ANKRD2: variants seen among roughly 807,000 people sequenced by gnomAD.
ANKRD2 encodes the protein ankyrin repeat domain-containing protein 2.
Under a neutral mutation model 37.3 loss-of-function variants are expected in ANKRD2, and 35 were observed. That is an observed-to-expected ratio of 0.94 (90% CI 0.72 to 1.24). ANKRD2 has a LOEUF of 1.24. Among genes scored for constraint, ANKRD2 ranks in the 50% most tolerant of loss-of-function variants. The pLI, the probability that ANKRD2 is intolerant of heterozygous loss-of-function variation, is 0.00. For synonymous variants in ANKRD2, 159 were observed against 186.5 expected, an observed-to-expected ratio of 0.85 and a Z score of 1.20; for missense variants, 410 against 445.6, an observed-to-expected ratio of 0.92 and a Z score of 0.72.
Position 97,582,254 on chromosome 10 carries a change from T to C in ANKRD2, c.655-61T>C. The C allele has an allele frequency of 2.1e-6, 3 of 1,448,902 alleles. No individual in the cohort carries two copies. In the East Asian group the frequency reaches 7.4e-5, roughly 36 times the overall value. The allele number at this position is 1,448,902 out of a possible 1,614,324, so 89.8% of individuals were successfully genotyped here. ...AGCTGGAGTTAGGACAGCCCCCGCC[T>C]TCCCAGGGGTACCACAGTTCAGGCC... On this transcript the variant is annotated intron_variant, in intron 6 of 8. Transcript: ENST00000370655.
chr10:97,580,771 G>A, intron 4 of ANKRD2, 84 bp from the exon 5 acceptor site: 2 of 987,860 alleles, frequency 2.0e-6, no homozygotes, highest in South Asian at 2.9e-5. Context: ...CAAGCTGGGG[G>A]GAAGGCCTGG....
In ANKRD2 at chr10:97,578,580, G is replaced by C; in HGVS notation, c.431G>C (p.Gly144Ala). ...GTCATTGAGAAGTTCCTGGCTGACG[G>C]GGGGTCAGCCGACACGTGCGACCAG... ...MKVIEKFLAD[G>A]GSADTCDQFR... is the part of the protein sequence containing the mutation. The change falls in exon 4 of 9, where the codon GGG becomes GCG. Residue 144 changes from glycine (G) to alanine (A), a missense_variant. Transcript: ENST00000370655. The C allele has an allele frequency of 1.3e-6, 2 of 1,561,442 alleles. No homozygotes were observed. The highest frequency in any genetic ancestry group is 1.7e-6 in the Non-Finnish European group (2 of 1,152,458).
Position 97,581,389 on chromosome 10 carries a change from G to C in ANKRD2, c.629G>C (p.Gly210Ala). ...LEVVKLLQSH[G>A]ADTNVRDKLL... ...GTGGTGAAACTTCTGCAAAGCCATG[G>C]AGCAGACACCAATGTGAGGGATAAG... Residue 210 changes from glycine (G) to alanine (A), a missense_variant, in exon 6 of 9, where the codon GGA becomes GCA. Transcript: ENST00000370655. 6.2e-7 allele frequency: 1 copy of C among 1,614,190 alleles called. No individual in the cohort carries two copies. Among genetic ancestry groups the C allele is most frequent in the South Asian group, 1.1e-5 (1 of 91,076 alleles).
At chr10:97,572,535 G>A, upstream of ANKRD2, 1 of 782,732 alleles carries the variant, frequency 1.3e-6, no homozygotes, top group Non-Finnish European at 2.0e-6. Flanking sequence ...GGCTGGACGG[G>A]CTCCTTCCTG....
At chr10:97,578,654 C>G in intron 4 of ANKRD2, 49 bp downstream of exon 4, 1 of 1,410,990 alleles carries the variant, frequency 7.1e-7, no homozygotes, top group Non-Finnish European at 9.7e-7. Context: ...GTTGCCACCC[C>G]CACTCCGTTC....
chr10:97,580,850 G>C lies in ANKRD2; in HGVS notation c.457-5G>C. The C allele has an allele frequency of 1.2e-6, 2 of 1,608,404 alleles. No individual in the cohort carries two copies. Among genetic ancestry groups the C allele is most frequent in the Non-Finnish European group, 1.7e-6 (2 of 1,177,522 alleles). Reference sequence around the variant, plus strand: ...GCCAGGCCCTGACAGCCTCTCTGGGGACAGTTCCGTCGGACAGCACTGCAC... The same window carrying C: ...GCCAGGCCCTGACAGCCTCTCTGGGCACAGTTCCGTCGGACAGCACTGCAC... On this transcript the variant is annotated splice_region_variant and splice_polypyrimidine_tract_variant and intron_variant, in intron 4 of 8. Transcript: ENST00000370655.
intron 1 of ANKRD2, among the ~76,000 whole-genome samples, chr10:97,574,092 C>T (rs1203280860): frequency 6.6e-6 from 1 of 152,026 alleles, no homozygotes; most frequent in Non-Finnish European, 1.5e-5. Context: ...TCGAGACTCA[C>T]CTGGCCAACA....
At chr10:97,572,971 A>AG (rs1221984371) in intron 1 of ANKRD2, 96 bp downstream of exon 1, 3 of 1,457,040 alleles carry the variant, frequency 2.1e-6, no homozygotes, top group African/African-American at 1.4e-5. Context: ...TGTGGTGGGG[A>AG]GGGGGGCAGA....
upstream of ANKRD2, chr10:97,572,674 G>T: frequency 1.3e-6 from 2 of 1,579,404 alleles, no homozygotes; most frequent in East Asian, 2.3e-5. Context: ...GTGACAGGTG[G>T]GGGAGGCAGG....
chr10:97,582,781 G>A lies in ANKRD2; in HGVS notation c.852+79G>A. ...AGGTGCTGTCCTGGTCCCTGGAGCA[G>A]CCCCCGCCTAGGGACATGTATCATT... On this transcript the variant is annotated intron_variant, in intron 8 of 8. Transcript: ENST00000370655. 1.5e-6 allele frequency: 2 copies of A among 1,335,140 alleles called. 1 individual carries two copies. The highest frequency in any genetic ancestry group is 2.1e-6 in the Non-Finnish European group (2 of 932,410). 82.7% of individuals were successfully genotyped at this position (1,335,140 alleles called of 1,614,324 possible).
Position 97,578,234 on chromosome 10 carries a change from G to A in ANKRD2, c.190-6G>A. On this transcript the variant is annotated splice_region_variant and splice_polypyrimidine_tract_variant and intron_variant, in intron 2 of 8. Coordinates refer to ENST00000370655, the MANE Select transcript of ANKRD2 (RefSeq NM_001346793.2). ...GCCTGGGGGGTTGATGGGCCATCCC[G>A]CGCAGGGCCAAGAGCGCGTGCGCAA... 1 of 1,359,216 alleles carries A rather than the reference G, an allele frequency of 7.4e-7. No homozygotes were observed. Among genetic ancestry groups the A allele is most frequent in the Non-Finnish European group, 9.8e-7 (1 of 1,023,156 alleles). The allele number at this position is 1,359,216 out of a possible 1,614,324, so 84.2% of individuals were successfully genotyped here.
chr10:97,575,307 G>T (rs892231406), intron 1 of ANKRD2, among the ~76,000 whole-genome samples: 11 of 152,216 alleles, frequency 7.2e-5, no homozygotes, highest in African/African-American at 2.7e-4. Context: ...GGCCCCAGAG[G>T]CCAGTGCAGG....
chr10:97,578,147 C>CCCCCCCCCCCCCCCCCCCCCAA, intron 2 of ANKRD2, 93 bp from the exon 3 acceptor site: 2 of 718,820 alleles, frequency 2.8e-6, no homozygotes, highest in Admixed American at 2.6e-5. Flanking sequence ...TCTTCCTGCC[C>CCCCCCCCCCCCCCCCCCCCCAA]ACCCCACCCT....
At chr10:97,579,862 G>A (rs1427808516) in intron 4 of ANKRD2, among the ~76,000 whole-genome samples, 1 of 152,154 alleles carries the variant, frequency 6.6e-6, no homozygotes, top group East Asian at 1.9e-4. Context: ...CTCCCAAAGT[G>A]CTGGGATTAC....
chr10:97,577,954 T>C (rs1265339132), intron 2 of ANKRD2, 53 bp downstream of exon 2: 1 of 1,491,380 alleles, frequency 6.7e-7, no homozygotes, highest in Admixed American at 2.1e-5. Context: ...CAGGTAGCCA[T>C]GGCCTGTCTG....
At chr10:97,575,751 T>A (rs2040819150) in intron 1 of ANKRD2, among the ~76,000 whole-genome samples, 1 of 151,972 alleles carries the variant, frequency 6.6e-6, no homozygotes, top group African/African-American at 2.4e-5. Flanking sequence ...TCTACTAAAA[T>A]ACAAAAATAA....
Position 97,581,375 on chromosome 10 carries a change from T to C in ANKRD2, c.615T>C (p.Leu205=). 6.2e-7 allele frequency: 1 copy of C among 1,614,170 alleles called. No individual in the cohort carries two copies. Among genetic ancestry groups the C allele is most frequent in the Non-Finnish European group, 8.5e-7 (1 of 1,179,998 alleles). The change falls in exon 6 of 9, where the codon CTT becomes CTC. Residue 205 remains leucine, a synonymous_variant. Transcript: ENST00000370655. ...CRGGHLEVVK[L]LQSHGADTNV... is the part of the protein sequence containing the mutation. ...GGGGCCACTTAGAGGTGGTGAAACT[T>C]CTGCAAAGCCATGGAGCAGACACCA...
At position 97,582,322 on chromosome 10, in the gene ANKRD2, G is replaced by C; in HGVS notation, c.662G>C (p.Ser221Thr). ...ADTNVRDKLL[S>T]TPLHVAVRTG... is the part of the protein sequence containing the mutation. ...CTGATTCCTCCCACCCAGCTGCTGA[G>C]CACCCCGCTGCACGTGGCAGTCCGG... Residue 221 changes from serine (S) to threonine (T), a missense_variant, in exon 7 of 9, where the codon AGC (serine) becomes ACC (threonine). Ser to Thr is a moderately conservative substitution (Grantham distance 58). Coordinates refer to ENST00000370655, the MANE Select transcript of ANKRD2 (RefSeq NM_001346793.2). The C allele has an allele frequency of 6.4e-7, 1 of 1,555,160 alleles. No homozygotes were observed. Among genetic ancestry groups the C allele is most frequent in the Admixed American group, 1.9e-5 (1 of 51,442 alleles).
intron 6 of ANKRD2, among the ~76,000 whole-genome samples, chr10:97,581,620 C>T (rs1057442590): frequency 2.0e-5 from 3 of 152,192 alleles, no homozygotes; most frequent in Admixed American, 2.0e-4. Context: ...CTTGAGGAAC[C>T]ACCATCTGAG....
Sources: gnomAD v4.1 joint callset for allele counts (sites outside exome capture counted in the v4.1 genomes callset) on GRCh38, gnomAD v4.1.1 for gene constraint, MANE v1.5 for transcripts, NCBI Gene and HGNC (gene_info 2026-07-23, HGNC 2026-07-21) for gene names.